Variants in CDK15 observed in about 807,000 individuals in gnomAD.
CDK15 encodes the protein cyclin dependent kinase 15, also known as cyclin-dependent kinase 15.
Under a neutral mutation model 60.3 loss-of-function variants are expected in CDK15, and 62 were observed. The observed-to-expected ratio is 1.03, with a 90% CI of 0.84 to 1.27. CDK15 has a LOEUF of 1.27. CDK15 is among the 50% of genes most tolerant of loss of function. The probability of loss-of-function intolerance (pLI) is 0.00; values close to 1 mark genes in which losing one functional copy is unlikely to be tolerated. For synonymous variants in CDK15, 194 were observed against 195.7 expected (o/e 0.99, Z 0.07); for missense variants, 541 against 527.8 (o/e 1.03, Z -0.25).
chr2:201,874,045 C>G (rs1698973013), intron 11 of CDK15, among the ~76,000 whole-genome samples: 1 of 119,592 alleles, frequency 8.4e-6, no homozygotes, highest in African/African-American at 3.9e-5. Flanking sequence ...CAGAGTGAGA[C>G]TCCGTCTCAA....
chr2:201,865,374 C>A (rs533383070), intron 10 of CDK15, among the ~76,000 whole-genome samples: 2 of 152,268 alleles, frequency 1.3e-5, no homozygotes, highest in East Asian at 3.9e-4. Context: ...CTCCATCCAC[C>A]AGGAGCAAGG....
intron 9 of CDK15, among the ~76,000 whole-genome samples, chr2:201,852,407 T>C (rs947787017): frequency 6.6e-6 from 1 of 152,242 alleles, no homozygotes; most frequent in African/African-American, 2.4e-5. Flanking sequence ...CCTGAGTCTC[T>C]ATTTTACTAT....
At chr2:201,870,412 T>C (rs1308729040) in intron 10 of CDK15, among the ~76,000 whole-genome samples, 2 of 151,444 alleles carry the variant, frequency 1.3e-5, no homozygotes, top group African/African-American at 4.8e-5. Context: ...AAGAGATTTT[T>C]AAAACCAAAA....
intron 10 of CDK15, among the ~76,000 whole-genome samples, chr2:201,864,325 AT>A (rs1698520913): frequency 6.6e-6 from 1 of 151,926 alleles, no homozygotes; most frequent in Non-Finnish European, 1.5e-5. Flanking sequence ...AGTTTTATTT[AT>A]TTATTTTTTG....
At chr2:201,885,278 G>T (rs537872478) in intron 12 of CDK15, among the ~76,000 whole-genome samples, 4 of 152,056 alleles carry the variant, frequency 2.6e-5, no homozygotes, top group Non-Finnish European at 4.4e-5. Context: ...CTGTTTATTG[G>T]TTTTTTTGTG....
rs185875264 is a variant in CDK15, at chr2:201,812,069, G to A, written c.369-414G>A. Among the ~76,000 whole-genome samples the A allele has an allele frequency of 1.1e-3, 167 of 151,586 alleles. 1 individual carries two copies. The highest frequency in any genetic ancestry group is 2.0e-3 in the Non-Finnish European group (136 of 67,876). On this transcript the variant is annotated intron_variant, in intron 3 of 13. Coordinates refer to ENST00000652192, the MANE Select transcript of CDK15 (RefSeq NM_001366386.2). ...GTCCCCTGTAATCCCAGCTTCTTGG[G>A]AGGCTGAGGCAGGAGAATTGCTTGA...
At chr2:201,840,462 G>A (rs983484874) in intron 8 of CDK15, among the ~76,000 whole-genome samples, 1 of 152,040 alleles carries the variant, frequency 6.6e-6, no homozygotes, top group African/African-American at 2.4e-5. Flanking sequence ...TTCACTAAGG[G>A]CAAATAAATT....
chr2:201,875,186 G>C (rs1699030474), intron 11 of CDK15, among the ~76,000 whole-genome samples: 1 of 152,050 alleles, frequency 6.6e-6, no homozygotes, highest in African/African-American at 2.4e-5. Context: ...AGCTGTCCCG[G>C]CCCCCAGCAC....
At chr2:201,812,059 A>G (rs1467345247) in intron 3 of CDK15, among the ~76,000 whole-genome samples, 1 of 151,676 alleles carries the variant, frequency 6.6e-6, no homozygotes, top group Non-Finnish European at 1.5e-5. Flanking sequence ...CTGTAATCCC[A>G]GCTTCTTGGG....
chr2:201,889,376 T>G, intron 12 of CDK15: 1 of 914,132 alleles, frequency 1.1e-6, no homozygotes. Flanking sequence ...CCTCTTGCTA[T>G]TTTTCTCAGA....
chr2:201,855,896 G>T (rs1051327985), intron 10 of CDK15, among the ~76,000 whole-genome samples: 3 of 150,972 alleles, frequency 2.0e-5, no homozygotes, highest in African/African-American at 7.3e-5. Flanking sequence ...CACGATCTCG[G>T]CTCACTGCAA....
At chr2:201,853,594 A>G (rs904887098) in intron 9 of CDK15, among the ~76,000 whole-genome samples, 1 of 152,136 alleles carries the variant, frequency 6.6e-6, no homozygotes, top group Non-Finnish European at 1.5e-5. Context: ...AAAAAGAGTT[A>G]TAGTGAGATA....
chr2:201,824,746 G>A, intron 6 of CDK15: 1 of 654,766 alleles, frequency 1.5e-6, no homozygotes, highest in Non-Finnish European at 2.2e-6. Context: ...TATCATCAAA[G>A]TTATCCTTCA....
intron 5 of CDK15, 28 bp from the exon 6 acceptor site, chr2:201,823,637 A>G (rs1696328291): frequency 1.2e-6 from 2 of 1,602,962 alleles, no homozygotes; most frequent in East Asian, 2.2e-5. Flanking sequence ...AAATTCACTC[A>G]CTTCTCTTTC....
At chr2:201,862,961 T>G (rs1028611338) in intron 10 of CDK15, among the ~76,000 whole-genome samples, 3 of 152,158 alleles carry the variant, frequency 2.0e-5, no homozygotes, top group Non-Finnish European at 4.4e-5. Flanking sequence ...AGGAGTGTAA[T>G]CTGAGTGGAG....
intron 12 of CDK15, chr2:201,889,528 C>G (rs1227543165): frequency 1.6e-6 from 1 of 628,866 alleles, no homozygotes; most frequent in Non-Finnish European, 2.0e-6. Flanking sequence ...CCGTACTTTT[C>G]AGATAAGCCC....
intron 8 of CDK15, among the ~76,000 whole-genome samples, chr2:201,836,220 T>G (rs2105748352): frequency 7.3e-6 from 1 of 136,282 alleles, no homozygotes; most frequent in Non-Finnish European, 1.5e-5. Flanking sequence ...TTTTTTTTTT[T>G]TGAGATGGAG....
At chr2:201,840,389 T>C (rs1176215892) in intron 8 of CDK15, among the ~76,000 whole-genome samples, 1 of 152,228 alleles carries the variant, frequency 6.6e-6, no homozygotes, top group Non-Finnish European at 1.5e-5. Flanking sequence ...GTTGAACTCA[T>C]TCACTATATT....
At chr2:201,811,833 GA>G (rs1695781544) in intron 3 of CDK15, among the ~76,000 whole-genome samples, 2 of 152,168 alleles carry the variant, frequency 1.3e-5, no homozygotes, top group Admixed American at 1.3e-4. Flanking sequence ...ACTCTGCTGA[GA>G]GTAAATAGTA....
Sources: gnomAD v4.1 joint callset for allele counts (sites outside exome capture counted in the v4.1 genomes callset) on GRCh38, gnomAD v4.1.1 for gene constraint, MANE v1.5 for transcripts, NCBI Gene and HGNC (gene_info 2026-07-23, HGNC 2026-07-21) for gene names.